Variants in CABLES1 observed in about 807,000 individuals in gnomAD.
CABLES1 encodes the protein CDK5 and ABL1 enzyme substrate 1.
A neutral mutation model predicts 57.8 loss-of-function variants in CABLES1; 36 were observed. That is an observed-to-expected ratio of 0.62 (90% CI 0.48 to 0.82). The LOEUF is 0.82. Among genes scored for constraint, CABLES1 ranks in the 40% least tolerant of loss-of-function variants. The probability of loss-of-function intolerance (pLI) is 0.00; values close to 1 mark genes in which losing one functional copy is unlikely to be tolerated. For missense variants in CABLES1, 767 were observed against 836.6 expected, an observed-to-expected ratio of 0.92 and a Z score of 1.03; for synonymous variants, 374 against 363.0, an observed-to-expected ratio of 1.03 and a Z score of -0.35.
rs1042748037 is a variant in CABLES1, at chr18:23,258,335, G to A, written c.*968G>A. 6.6e-6 allele frequency: 1 copy of A among 152,572 alleles called. No homozygotes were observed. Among genetic ancestry groups the A allele is most frequent in the Admixed American group, 6.5e-5 (1 of 15,290 alleles). 9.5% of individuals were successfully genotyped at this position (152,572 alleles called of 1,614,324 possible). On this transcript the variant is annotated 3_prime_UTR_variant, in exon 10 of 10. Coordinates refer to ENST00000256925, the MANE Select transcript of CABLES1 (RefSeq NM_001100619.3). ...GCTATCTATATCGCTATATAAAAGT[G>A]TTTTATAAAAACCCAGAATAGGAGC...
chr18:23,257,303 T>C lies in CABLES1; in HGVS notation c.1838T>C (p.Phe613Ser). ...FEFPVLVALE[F>S]ALHLPEHEVM... ...TTCCCGGTGTTAGTGGCCTTGGAAT[T>C]CGCCCTCCACTTGCCCGAGCACGAA... Residue 613 changes from phenylalanine (F) to serine (S), a missense_variant, in exon 10 of 10, where the codon TTC (phenylalanine) becomes TCC (serine). Around this residue, in one of 4 missense-constraint regions of CABLES1, gnomAD observed 15 missense variants for 41.0 expected, o/e 0.37. Transcript: ENST00000256925. The C allele has an allele frequency of 6.2e-7, 1 of 1,614,014 alleles. No individual in the cohort carries two copies. The highest frequency in any genetic ancestry group is 8.5e-7 in the Non-Finnish European group (1 of 1,179,986).
At chr18:23,146,763 A>G (rs112583906) in intron 1 of CABLES1, among the ~76,000 whole-genome samples, 1 of 114,498 alleles carries the variant, frequency 8.7e-6, no homozygotes, top group South Asian at 2.8e-4. Flanking sequence ...GAAAGTCACT[A>G]TGTGGTAGAG....
intron 1 of CABLES1, among the ~76,000 whole-genome samples, chr18:23,161,129 A>G (rs566197008): frequency 6.6e-6 from 1 of 152,208 alleles, no homozygotes; most frequent in East Asian, 1.9e-4. Context: ...GGATCACTTG[A>G]GCCAGGAGTT....
chr18:23,233,038 G>A (rs2047577770), intron 4 of CABLES1, among the ~76,000 whole-genome samples: 1 of 152,104 alleles, frequency 6.6e-6, no homozygotes, highest in South Asian at 2.1e-4. Context: ...CCTGAATATG[G>A]TCCCTCCATC....
At chr18:23,235,744 C>G in intron 5 of CABLES1, 151 bp from the exon 6 acceptor site, 1 of 862,502 alleles carries the variant, frequency 1.2e-6, no homozygotes, top group Non-Finnish European at 1.9e-6. Flanking sequence ...AGTACCAAAA[C>G]AAATTTCATT....
chr18:23,157,909 C>T (rs2046976368), intron 1 of CABLES1, among the ~76,000 whole-genome samples: 2 of 152,104 alleles, frequency 1.3e-5, no homozygotes. Flanking sequence ...TGAATCCTGG[C>T]TTTGCTATTC....
At chr18:23,189,555 C>T (rs777631990) in intron 2 of CABLES1, among the ~76,000 whole-genome samples, 17 of 152,236 alleles carry the variant, frequency 1.1e-4, no homozygotes, top group Non-Finnish European at 1.3e-4. Context: ...ATCCTCACTG[C>T]AGCCCTGAGC....
intron 7 of CABLES1, among the ~76,000 whole-genome samples, chr18:23,248,960 G>C (rs2047971566): frequency 6.6e-6 from 1 of 152,244 alleles, no homozygotes; most frequent in South Asian, 2.1e-4. Flanking sequence ...CACCCAGGAG[G>C]CTGCAGCTGC....
Position 23,135,785 on chromosome 18 carries a change from C to A in CABLES1, c.23C>A (p.Ala8Asp). Residue 8 changes from alanine (A) to aspartate (D), a missense_variant, in exon 1 of 10, where the codon GCC becomes GAC. By Grantham distance (126) the Ala-to-Asp change is moderately radical. Transcript: ENST00000256925. MAAAAAA[A>D]TTAACSSGSA... ...ACAATGGCGGCGGCGGCGGCGGCCG[C>A]CACCACGGCCGCCTGCAGCAGCGGC... The A allele has an allele frequency of 1.0e-6, 1 of 981,538 alleles. No individual in the cohort carries two copies. Among genetic ancestry groups the A allele is most frequent in the Non-Finnish European group, 1.2e-6 (1 of 827,454 alleles). The allele number at this position is 981,538 out of a possible 1,614,324, so 60.8% of individuals were successfully genotyped here. A position where few individuals can be genotyped will look rare whatever the true frequency, so the allele number is the denominator to read the frequency against.
At chr18:23,243,609 A>C (rs1345702496) in intron 7 of CABLES1, among the ~76,000 whole-genome samples, 1 of 151,636 alleles carries the variant, frequency 6.6e-6, no homozygotes, top group Non-Finnish European at 1.5e-5. Flanking sequence ...TCGGTGGCTC[A>C]TGCCTGTAAT....
intron 4 of CABLES1, among the ~76,000 whole-genome samples, chr18:23,231,759 G>C (rs2047568510): frequency 6.6e-6 from 1 of 151,596 alleles, no homozygotes; most frequent in African/African-American, 2.4e-5. Context: ...CTTTATACGA[G>C]CACATGACTA....
chr18:23,193,285 G>A (rs1393216178), intron 2 of CABLES1, among the ~76,000 whole-genome samples: 3 of 151,346 alleles, frequency 2.0e-5, no homozygotes, highest in South Asian at 2.1e-4. Flanking sequence ...TCGGCCTCCC[G>A]GGTTGAAGCG....
intron 7 of CABLES1, among the ~76,000 whole-genome samples, chr18:23,244,792 C>T (rs2047832787): frequency 6.6e-6 from 1 of 152,208 alleles, no homozygotes; most frequent in African/African-American, 2.4e-5. Context: ...TGCCCCAGGT[C>T]TTACAGCTAG....
At chr18:23,150,857 C>T (rs185773818) in intron 1 of CABLES1, among the ~76,000 whole-genome samples, 1 of 151,524 alleles carries the variant, frequency 6.6e-6, no homozygotes, top group Non-Finnish European at 1.5e-5. Flanking sequence ...GATGCCGATG[C>T]ACTTGATCTG....
rs185780543 is a variant in CABLES1 at position 23,210,766 on chromosome 18, C to T, written c.1011-3211C>T. Among the ~76,000 whole-genome samples, 4 of 152,278 alleles carry T rather than the reference C, an allele frequency of 2.6e-5. 1 individual carries two copies. Among genetic ancestry groups the T allele is most frequent in the Admixed American group, 2.6e-4 (4 of 15,298 alleles). On this transcript the variant is annotated intron_variant, in intron 3 of 9. Coordinates refer to ENST00000256925, the MANE Select transcript of CABLES1 (RefSeq NM_001100619.3). ...CTTCAGGAAACACGTATGATGTGTT[C>T]TTGGAAGCTCCATTGGCAAACCGTC...
chr18:23,153,102 T>C (rs554871571), intron 1 of CABLES1, among the ~76,000 whole-genome samples: 32 of 151,626 alleles, frequency 2.1e-4, no homozygotes, highest in African/African-American at 7.5e-4. Flanking sequence ...GCCTGGCTGG[T>C]CTAAAATTTT....
At chr18:23,190,574 GAA>G (rs2047235145) in intron 2 of CABLES1, 1 of 152,188 alleles carries the variant, frequency 6.6e-6, no homozygotes, top group Non-Finnish European at 1.5e-5. Context: ...CCTCTTCACG[GAA>G]TCCACCCAGA....
chr18:23,142,813 A>G (rs1208510546), intron 1 of CABLES1, among the ~76,000 whole-genome samples: 1 of 152,068 alleles, frequency 6.6e-6, no homozygotes, highest in Non-Finnish European at 1.5e-5. Context: ...CCACCTGGGG[A>G]GGGGTGCAGG....
intron 4 of CABLES1, among the ~76,000 whole-genome samples, chr18:23,215,356 A>G (rs760018903): frequency 7.9e-5 from 12 of 152,178 alleles, no homozygotes; most frequent in Non-Finnish European, 1.6e-4. Flanking sequence ...ATACCAGCTC[A>G]TAGACCTGGT....
Sources: allele counts gnomAD v4.1 joint callset (sites outside exome capture counted in the v4.1 genomes callset), GRCh38; gene constraint gnomAD v4.1.1; regional missense constraint gnomAD v4.1.1; transcripts MANE v1.5; gene names NCBI Gene and HGNC (gene_info 2026-07-23, HGNC 2026-07-21).